Variants in ADGRF3 observed in about 807,000 individuals in gnomAD.
ADGRF3 encodes G protein-coupled receptor 113.
Under a neutral mutation model 93.2 loss-of-function variants are expected in ADGRF3, and 85 were observed. That is an observed-to-expected ratio of 0.91 (90% confidence interval 0.77 to 1.09). The LOEUF is 1.09. ADGRF3 is among the 50% of genes least tolerant of loss of function. The pLI is 0.00. For synonymous variants in ADGRF3, 534 were observed against 532.5 expected, an observed-to-expected ratio of 1.00 and a Z score of -0.04; for missense variants, 1,125 against 1,246.2, an observed-to-expected ratio of 0.90 and a Z score of 1.46.
Position 26,311,248 on chromosome 2 carries a change from A to C in ADGRF3, c.2276T>G (p.Leu759Arg). The C allele has an allele frequency of 1.2e-6, 2 of 1,611,564 alleles. No homozygotes were observed. The highest frequency in any genetic ancestry group is 1.7e-6 in the Non-Finnish European group (2 of 1,178,910). The part of the protein sequence containing the change: ...FCLLAADTCF[L>R]GAPFLSPGPR... ...CCCTGGAGAGAGGAATGGGGCGCCC[A>C]GGAAGCAAGTGTCTGCGGCCAGCAA... Residue 759 changes from leucine (L) to arginine (R), a missense_variant, in exon 10 of 14, where the codon CTG (leucine) becomes CGG (arginine). Coordinates refer to ENST00000651242, the MANE Select transcript of ADGRF3 (RefSeq NM_001321971.2).
rs758978730 is a variant in ADGRF3, at chr2:26,312,958, G to A, written c.1434C>T (p.Asp478=). 7 of 1,612,014 alleles carry A rather than the reference G, an allele frequency of 4.3e-6. No homozygotes were observed. Among genetic ancestry groups the A allele is most frequent in the South Asian group, 2.2e-5 (2 of 90,658 alleles). The change falls in exon 9 of 14, where the codon GAC becomes GAT. Residue 478 remains aspartate, a synonymous_variant. Coordinates refer to ENST00000651242, the MANE Select transcript of ADGRF3 (RefSeq NM_001321971.2). ...GAGATCTCACCTTCAGGGCTCTGCGGTCAAGCTGTATTCTGGCCTCTGCCA... is the reference window on the plus strand; with the variant it reads ...GAGATCTCACCTTCAGGGCTCTGCGATCAAGCTGTATTCTGGCCTCTGCCA... ...KVVAEARIQL[D]RRALKNLLIA...
At chr2:26,317,143 C>T in intron 2 of ADGRF3, 88 bp from the exon 3 acceptor site, 1 of 1,396,142 alleles carries the variant, frequency 7.2e-7, no homozygotes, top group Non-Finnish European at 9.8e-7. Flanking sequence ...GCTGGCCAGT[C>T]CCAGGAATGC....
rs781329256 is a variant in ADGRF3, at chr2:26,314,429, C to T, written c.913G>A (p.Gly305Arg). 55 of 1,613,528 alleles carry T rather than the reference C, an allele frequency of 3.4e-5. No individual in the cohort carries two copies. The highest frequency in any genetic ancestry group is 4.7e-5 in the Non-Finnish European group (55 of 1,179,790). Residue 305 changes from glycine to arginine, a missense_variant, in exon 6 of 14, where the codon GGA becomes AGA. Coordinates refer to ENST00000651242, the MANE Select transcript of ADGRF3 (RefSeq NM_001321971.2). ...NLAYTAAWSPGEGSKASSFNE... is the reference protein window; with the variant it reads ...NLAYTAAWSPREGSKASSFNE... ...CTTCTCATACCTTTGCTGCCCTCTC[C>T]AGGGCTCCAGGCCGCGGTGTAGGCC...
intron 1 of ADGRF3, among the ~76,000 whole-genome samples, chr2:26,341,742 C>T (rs930040812): frequency 1.3e-5 from 2 of 152,084 alleles, no homozygotes; most frequent in Non-Finnish European, 2.9e-5. Flanking sequence ...AAGGGACCCT[C>T]CTTTCTCAGC....
At chr2:26,318,733 G>C (rs1283723544) in intron 1 of ADGRF3, 1 of 633,580 alleles carries the variant, frequency 1.6e-6, no homozygotes, top group Non-Finnish European at 2.7e-6. Flanking sequence ...TATCATATGA[G>C]TTTACAGGGA....
At chr2:26,343,824 G>C (rs575843484) in intron 1 of ADGRF3, among the ~76,000 whole-genome samples, 1 of 152,316 alleles carries the variant, frequency 6.6e-6, no homozygotes, top group South Asian at 2.1e-4. Context: ...ACATGTCAAA[G>C]TATAAACCAA....
chr2:26,311,333 C>A lies in ADGRF3; in HGVS notation c.2191G>T (p.Val731Leu). The A allele has an allele frequency of 6.2e-7, 1 of 1,613,954 alleles. No individual in the cohort carries two copies. The highest frequency in any genetic ancestry group is 8.5e-7 in the Non-Finnish European group (1 of 1,179,896). Residue 731 changes from valine (V) to leucine (L), a missense_variant, in exon 10 of 14, where the codon GTG becomes TTG. Coordinates refer to ENST00000651242, the MANE Select transcript of ADGRF3 (RefSeq NM_001321971.2). Reference protein sequence around the residue: ...LGVYWLVWRVVVRNKISYFRH... With the variant: ...LGVYWLVWRVLVRNKISYFRH... ...AAATAGGAGATCTTGTTCCGCACCA[C>A]GACTCTCCACACCAGCCAGTACACA...
chr2:26,341,917 C>CA (rs892639560), intron 1 of ADGRF3, among the ~76,000 whole-genome samples: 2 of 151,730 alleles, frequency 1.3e-5, no homozygotes, highest in African/African-American at 4.8e-5. Flanking sequence ...ACTAAAAATA[C>CA]AAAAAATTAG....
intron 1 of ADGRF3, among the ~76,000 whole-genome samples, chr2:26,332,957 A>G (rs1307423810): frequency 1.3e-5 from 2 of 152,058 alleles, no homozygotes; most frequent in African/African-American, 4.8e-5. Flanking sequence ...ATTTTGTATT[A>G]TAACTGTATT....
At chr2:26,344,066 T>C (rs1285237034) in intron 1 of ADGRF3, among the ~76,000 whole-genome samples, 1 of 152,266 alleles carries the variant, frequency 6.6e-6, no homozygotes, top group Admixed American at 6.5e-5. Context: ...AAGTGCAGTT[T>C]ATAAACTATT....
At position 26,339,294 on chromosome 2, in the gene ADGRF3, G is replaced by A. The variant is rs184995227; in HGVS notation, c.114+6827C>T. Among the ~76,000 whole-genome samples the A allele has an allele frequency of 3.4e-3, 511 of 152,068 alleles. 1 individual carries two copies. The highest frequency in any genetic ancestry group is 6.9e-3 in the Admixed American group (105 of 15,270). On this transcript the variant is annotated intron_variant, in intron 1 of 13. Transcript: ENST00000651242. Reference sequence around the variant, plus strand: ...GTGGATCACTTGAGGTCAGGAGTTCGAGACCAGCTTGGTCAACATGGTGAA... The same window carrying A: ...GTGGATCACTTGAGGTCAGGAGTTCAAGACCAGCTTGGTCAACATGGTGAA...
chr2:26,336,277 G>T (rs1676027491), intron 1 of ADGRF3, among the ~76,000 whole-genome samples: 2 of 150,770 alleles, frequency 1.3e-5, no homozygotes, highest in Non-Finnish European at 1.5e-5. Context: ...GAAATGTTTG[G>T]CGATTTATGA....
chr2:26,315,467 A>G lies in ADGRF3; in HGVS notation c.718+55T>C. 4 of 1,516,152 alleles carry G rather than the reference A, an allele frequency of 2.6e-6. 1 individual carries two copies. Among genetic ancestry groups the G allele is most frequent in the South Asian group, 2.5e-5 (2 of 80,548 alleles). 93.9% of individuals were successfully genotyped at this position (1,516,152 alleles called of 1,614,324 possible). On this transcript the variant is annotated intron_variant, in intron 5 of 13. Transcript: ENST00000651242. ...AGGAAAGCAGAGAAGGAAGACGAGGATGAAGGGAAGTAAGAGGAAGGAGAA... is the reference window on the plus strand; with the variant it reads ...AGGAAAGCAGAGAAGGAAGACGAGGGTGAAGGGAAGTAAGAGGAAGGAGAA...
At chr2:26,319,546 TCTCCCTCC>T (rs746092843) in intron 1 of ADGRF3, among the ~76,000 whole-genome samples, 6 of 61,700 alleles carry the variant, frequency 9.7e-5, no homozygotes, top group South Asian at 7.5e-4. Context: ...CCCTTCTTTC[TCTCCCTCC>T]CTCCCTCCCT....
chr2:26,317,634 C>T (rs972408069), intron 1 of ADGRF3, 72 bp from the exon 2 acceptor site: 3 of 1,329,564 alleles, frequency 2.3e-6, no homozygotes, highest in Admixed American at 2.0e-5. Context: ...TGACTAGTCT[C>T]AGCCAGCATG....
Position 26,310,826 on chromosome 2 carries a change from G to T in ADGRF3, c.2698C>A (p.Leu900Met). The T allele has an allele frequency of 6.2e-7, 1 of 1,613,676 alleles. No individual in the cohort carries two copies. ...AGCAGGGCTTTGATCACCCCCAGCA[G>T]AGCTTGGCGCTTCTCTGCTGGGGGT... Reference protein sequence around the residue: ...EGPPAEKRQALLGVIKALLIL... With the variant: ...EGPPAEKRQAMLGVIKALLIL... The change falls in exon 10 of 14, where the codon CTG becomes ATG. Residue 900 changes from leucine (L) to methionine (M), a missense_variant. Coordinates refer to ENST00000651242, the MANE Select transcript of ADGRF3 (RefSeq NM_001321971.2).
At chr2:26,314,868 A>G (rs1674518083) in intron 5 of ADGRF3, 2 of 515,872 alleles carry the variant, frequency 3.9e-6, no homozygotes, top group African/African-American at 3.8e-5. Context: ...TGCTCTCCCT[A>G]GAGCAGATGC....
rs1279663737 is a variant in ADGRF3, at chr2:26,346,642, A to G, written c.-408T>C. On this transcript the variant is annotated 5_prime_UTR_variant, in exon 1 of 14. Coordinates refer to ENST00000651242, the MANE Select transcript of ADGRF3 (RefSeq NM_001321971.2). Reference sequence around the variant, plus strand: ...GTGTCAATCGCCTTCATTTTAGTGAAGTTTCCACTCGCCTGTCATGCATAC... The same window carrying G: ...GTGTCAATCGCCTTCATTTTAGTGAGGTTTCCACTCGCCTGTCATGCATAC... The G allele has an allele frequency of 1.1e-5, 2 of 178,856 alleles. No individual in the cohort carries two copies. Among genetic ancestry groups the G allele is most frequent in the Non-Finnish European group, 2.3e-5 (2 of 85,226 alleles). 11.1% of individuals were successfully genotyped at this position (178,856 alleles called of 1,614,324 possible).
At chr2:26,313,307 C>G in intron 8 of ADGRF3, 70 bp downstream of exon 8, 1 of 1,455,330 alleles carries the variant, frequency 6.9e-7, no homozygotes, top group Non-Finnish European at 9.2e-7. Flanking sequence ...AAAGGGTCTG[C>G]AAGCTGGGTC....
Sources: gnomAD v4.1 joint callset for allele counts (sites outside exome capture counted in the v4.1 genomes callset) on GRCh38, gnomAD v4.1.1 for gene constraint, MANE v1.5 for transcripts, NCBI Gene and HGNC (gene_info 2026-07-23, HGNC 2026-07-21) for gene names.